The following INPP4A variants were observed in gnomAD, a reference collection of about 807,000 sequenced individuals.
INPP4A encodes the protein inositol polyphosphate-4-phosphatase, type I, 107kD.
Under a neutral mutation model 119.8 loss-of-function variants are expected in INPP4A, and 33 were observed. That is an observed-to-expected ratio of 0.28 (90% confidence interval 0.21 to 0.37). INPP4A has a LOEUF of 0.37. INPP4A is among the 10% of genes least tolerant of loss of function. The pLI, the probability that INPP4A is intolerant of heterozygous loss-of-function variation, is 1.00. For synonymous variants in INPP4A, 496 were observed against 500.7 expected (o/e 0.99, Z 0.12); for missense variants, 956 against 1,289.9 (o/e 0.74, Z 3.97).
chr2:98,563,547 C>T lies in INPP4A; in HGVS notation c.1938C>T (p.Ala646=). The change falls in exon 18 of 25, where the codon GCC becomes GCT. Residue 646 remains alanine, a synonymous_variant. Coordinates refer to ENST00000409851, the MANE Select transcript of INPP4A (RefSeq NM_001134225.2). ...VAMMSDKAKK[A]MVFLLMQDSA... ...TGATGAGTGACAAGGCCAAGAAGGC[C>T]ATGGTATTCCTGCTCATGCAGGACA... 6 of 1,613,916 alleles carry T rather than the reference C, an allele frequency of 3.7e-6. No homozygotes were observed. The highest frequency in any genetic ancestry group is 5.1e-6 in the Non-Finnish European group (6 of 1,179,872).
intron 1 of INPP4A, among the ~76,000 whole-genome samples, chr2:98,489,594 G>A (rs533823787): frequency 6.6e-6 from 1 of 152,266 alleles, no homozygotes; most frequent in East Asian, 1.9e-4. Flanking sequence ...TTATCCTGGA[G>A]ATTCTGAACC....
At chr2:98,493,508 A>T (rs571256898) in intron 1 of INPP4A, among the ~76,000 whole-genome samples, 3 of 143,624 alleles carry the variant, frequency 2.1e-5, no homozygotes, top group African/African-American at 7.8e-5. Flanking sequence ...AGATCCACTC[A>T]CTTCAGCCTC....
chr2:98,472,663 G>T (rs1008193025), intron 1 of INPP4A, among the ~76,000 whole-genome samples: 3 of 152,240 alleles, frequency 2.0e-5, no homozygotes, highest in African/African-American at 7.2e-5. Context: ...GCTCACTGAG[G>T]GTCTGTGGTG....
At chr2:98,537,676 CA>C (rs1654625988) in intron 7 of INPP4A, among the ~76,000 whole-genome samples, 186 bp from the exon 8 acceptor site, 1 of 152,180 alleles carries the variant, frequency 6.6e-6, no homozygotes, top group Non-Finnish European at 1.5e-5. Flanking sequence ...CACTGTGCCC[CA>C]TGGTTTCCTT....
intron 4 of INPP4A, among the ~76,000 whole-genome samples, chr2:98,530,665 A>G (rs920910119): frequency 5.3e-5 from 8 of 152,228 alleles, no homozygotes; most frequent in African/African-American, 1.9e-4. Flanking sequence ...AATTTCTACA[A>G]GCAATTCTTA....
At chr2:98,557,014 ATTATC>A (rs1377636448) in intron 16 of INPP4A, among the ~76,000 whole-genome samples, 1 of 152,018 alleles carries the variant, frequency 6.6e-6, no homozygotes, top group Non-Finnish European at 1.5e-5. Flanking sequence ...TTTTTACTTT[ATTATC>A]TTGTTTGTGA....
At chr2:98,533,530 G>C (rs1689649123) in intron 5 of INPP4A, 35 bp downstream of exon 5, 1 of 1,257,314 alleles carries the variant, frequency 8.0e-7, no homozygotes, top group African/African-American at 1.5e-5. Context: ...AGGGGCTGTG[G>C]GACATGCTCT....
At chr2:98,463,981 G>C (rs1674179281) in intron 1 of INPP4A, among the ~76,000 whole-genome samples, 1 of 152,236 alleles carries the variant, frequency 6.6e-6, no homozygotes, top group Non-Finnish European at 1.5e-5. Context: ...CCTGGCGCTG[G>C]CAGAAGCTTG....
At chr2:98,447,385 A>G (rs1694369878) in intron 1 of INPP4A, among the ~76,000 whole-genome samples, 1 of 152,154 alleles carries the variant, frequency 6.6e-6, no homozygotes, top group Non-Finnish European at 1.5e-5. Flanking sequence ...CAGTGTCCTA[A>G]AACAGAAGTT....
At chr2:98,518,430 G>A (rs1371558612) in intron 1 of INPP4A, among the ~76,000 whole-genome samples, 1 of 152,252 alleles carries the variant, frequency 6.6e-6, no homozygotes, top group Non-Finnish European at 1.5e-5. Context: ...CTCATGAGCT[G>A]AGCCCTGCCC....
At chr2:98,450,713 A>G (rs539698158) in intron 1 of INPP4A, among the ~76,000 whole-genome samples, 3 of 152,306 alleles carry the variant, frequency 2.0e-5, no homozygotes, top group African/African-American at 7.2e-5. Context: ...GGTGGTTGGC[A>G]GAGCTTGGAA....
chr2:98,482,335 C>A (rs914073939), intron 1 of INPP4A, among the ~76,000 whole-genome samples: 1 of 152,250 alleles, frequency 6.6e-6, no homozygotes, highest in Non-Finnish European at 1.5e-5. Flanking sequence ...AATCACTTTT[C>A]CTATCTTGGC....
intron 24 of INPP4A, chr2:98,581,536 T>C: frequency 5.3e-6 from 8 of 1,496,968 alleles, no homozygotes; most frequent in Non-Finnish European, 6.2e-6. Context: ...TTCCTTTCCT[T>C]TTTCCTTTTT....
intron 1 of INPP4A, among the ~76,000 whole-genome samples, chr2:98,461,376 A>G (rs944836594): frequency 3.9e-5 from 6 of 152,222 alleles, no homozygotes; most frequent in East Asian, 1.9e-4. Context: ...TGCCAGCAAC[A>G]GGTGTGGGCC....
intron 1 of INPP4A, among the ~76,000 whole-genome samples, chr2:98,484,791 G>A (rs1281720691): frequency 1.3e-5 from 2 of 151,834 alleles, no homozygotes; most frequent in Non-Finnish European, 2.9e-5. Context: ...TGACTTTTTC[G>A]CTTGTCAAGT....
At chr2:98,452,099 C>A (rs1431163156) in intron 1 of INPP4A, among the ~76,000 whole-genome samples, 1 of 152,164 alleles carries the variant, frequency 6.6e-6, no homozygotes, top group African/African-American at 2.4e-5. Flanking sequence ...AGTGGGACTG[C>A]GTGCTTCCTT....
intron 1 of INPP4A, among the ~76,000 whole-genome samples, chr2:98,495,314 A>G (rs1034001016): frequency 6.6e-5 from 10 of 152,332 alleles, no homozygotes; most frequent in East Asian, 3.8e-4. Context: ...CTACGTGTCT[A>G]TTTTTATACC....
rs1575053759 is a variant in INPP4A at position 98,552,980 on chromosome 2, T to G, written c.1347+11T>G. 7 of 1,598,732 alleles carry G rather than the reference T, an allele frequency of 4.4e-6. No individual in the cohort carries two copies. Among genetic ancestry groups the G allele is most frequent in the Non-Finnish European group, 6.0e-6 (7 of 1,170,770 alleles). On this transcript the variant is annotated intron_variant, in intron 14 of 24. Transcript: ENST00000409851. ...ATCTTGGCAGACAAGGTAGGAGGGG[T>G]GCCCTGCTACATATGGGCTGGGGAG... is the stretch of plus-strand genomic sequence containing the variant.
intron 1 of INPP4A, among the ~76,000 whole-genome samples, chr2:98,445,646 A>G (rs1694059463): frequency 6.6e-6 from 1 of 152,242 alleles, no homozygotes; most frequent in Non-Finnish European, 1.5e-5. Context: ...TGTCTCTTGA[A>G]AAGCCAGCCA....
Sources: allele counts gnomAD v4.1 joint callset (sites outside exome capture counted in the v4.1 genomes callset), GRCh38; gene constraint gnomAD v4.1.1; transcripts MANE v1.5; gene names NCBI Gene and HGNC (gene_info 2026-07-23, HGNC 2026-07-21).